The following GUCY2D variants were observed in gnomAD, a reference collection of about 807,000 sequenced individuals.
GUCY2D encodes the protein guanylate cyclase 2D, retinal, also known as retinal guanylyl cyclase 1.
A neutral mutation model predicts 101.3 loss-of-function variants in GUCY2D; 70 were observed. The observed-to-expected ratio is 0.69, with a 90% CI of 0.57 to 0.84. The LOEUF (loss-of-function observed/expected upper bound fraction) is 0.84. Among genes scored for constraint, GUCY2D ranks in the 40% least tolerant of loss-of-function variants. GUCY2D has a pLI of 0.00. For synonymous variants in GUCY2D, 688 were observed against 670.7 expected, an observed-to-expected ratio of 1.03 and a Z score of -0.40; for missense variants, 1,460 against 1,542.5, an observed-to-expected ratio of 0.95 and a Z score of 0.90.
Position 8,007,083 on chromosome 17 carries a change from C to T in GUCY2D, c.1402C>T (p.Leu468Phe). 1 of 1,614,146 alleles carries T rather than the reference C, an allele frequency of 6.2e-7. No homozygotes were observed. Among genetic ancestry groups the T allele is most frequent in the Non-Finnish European group, 8.5e-7 (1 of 1,179,962 alleles). ...GGGLEPGLVF[L>F]GFLLVVGMGL... ...AGGACTGGAGCCGGGCCTCGTCTTT[C>T]TTGGCTTCCTCCTGGTGGTTGGGAT... is the stretch of plus-strand genomic sequence containing the variant. The change falls in exon 5 of 20, where the codon CTT (leucine) becomes TTT (phenylalanine). Residue 468 changes from leucine (L) to phenylalanine (F), a missense_variant. By Grantham distance (22) the Leu-to-Phe change is conservative. This residue lies in a region of GUCY2D where 1,196 missense variants were observed against 1,229.6 expected (regional missense o/e 0.97). Coordinates refer to ENST00000254854, the MANE Select transcript of GUCY2D (RefSeq NM_000180.4).
In GUCY2D at chr17:8,003,196, T is replaced by C. The variant is rs1975663876; in HGVS notation, c.149T>C (p.Leu50Pro). Residue 50 changes from leucine (L) to proline (P), a missense_variant, in exon 2 of 20, where the codon CTC (leucine) becomes CCC (proline). Physicochemically the swap from Leu to Pro is moderately conservative, Grantham distance 98 (BLOSUM62 -3). Around this residue, in one of 3 missense-constraint regions of GUCY2D, gnomAD observed 1,196 missense variants for 1,229.6 expected, o/e 0.97. Transcript: ENST00000254854. ...CTGCTTCTGCTGCAGCCCCCCGCCC[T>C]CTCCGCCGTGTTCACGGTGGGGGTC... ...LLLLLLQPPA[L>P]SAVFTVGVLG... is the part of the protein sequence containing the mutation. The C allele has an allele frequency of 6.6e-7, 1 of 1,517,998 alleles. No individual in the cohort carries two copies. Among genetic ancestry groups the C allele is most frequent in the Non-Finnish European group, 8.8e-7 (1 of 1,138,702 alleles). The allele number at this position is 1,517,998 out of a possible 1,614,324, so 94.0% of individuals were successfully genotyped here.
intron 7 of GUCY2D, 127 bp downstream of exon 7, chr17:8,008,159 G>T (rs1975781957): frequency 1.4e-6 from 1 of 714,364 alleles, no homozygotes; most frequent in African/African-American, 1.7e-5. Context: ...GGAGATGGGG[G>T]ATGGGAGCCC....
At position 8,012,327 on chromosome 17, in the gene GUCY2D, T is replaced by C; in HGVS notation, c.1933T>C (p.Ser645Pro). Residue 645 changes from serine (S) to proline (P), a missense_variant, in exon 9 of 20, where the codon TCC becomes CCC. By Grantham distance (74) the Ser-to-Pro change is moderately conservative. Around this residue, in one of 3 missense-constraint regions of GUCY2D, gnomAD observed 1,196 missense variants for 1,229.6 expected, o/e 0.97. Coordinates refer to ENST00000254854, the MANE Select transcript of GUCY2D (RefSeq NM_000180.4). Reference sequence around the variant, plus strand: ...AAAGCTGGACTGGATGTTCAAGTCCTCCCTCCTGCTGGACCTTATCAAGGT... The same window carrying C: ...AAAGCTGGACTGGATGTTCAAGTCCCCCCTCCTGCTGGACCTTATCAAGGT... ...EIKLDWMFKS[S>P]LLLDLIKGIR... 1 of 1,609,930 alleles carries C rather than the reference T, an allele frequency of 6.2e-7. No individual in the cohort carries two copies. Among genetic ancestry groups the C allele is most frequent in the Non-Finnish European group, 8.5e-7 (1 of 1,178,980 alleles).
chr17:8,012,577 A>G lies in GUCY2D; in HGVS notation c.2084A>G (p.Lys695Arg), dbSNP rs1237783733. 8 of 1,613,484 alleles carry G rather than the reference A, an allele frequency of 5.0e-6. No individual in the cohort carries two copies. Among genetic ancestry groups the G allele is most frequent in the Non-Finnish European group, 6.8e-6 (8 of 1,179,698 alleles). The change falls in exon 10 of 20, where the codon AAG becomes AGG. Residue 695 changes from lysine to arginine, a missense_variant. Coordinates refer to ENST00000254854, the MANE Select transcript of GUCY2D (RefSeq NM_000180.4). ...HGHGRLLEAQ[K>R]VLPEPPRAED... Reference sequence around the variant, plus strand: ...CACGGGAGACTGCTGGAAGCACAGAAGGTGCTACCGGAGCCTCCCAGAGCG... The same window carrying G: ...CACGGGAGACTGCTGGAAGCACAGAGGGTGCTACCGGAGCCTCCCAGAGCG...
Position 8,013,760 on chromosome 17 carries a change from G to A in GUCY2D, c.2264-120G>A. On this transcript the variant is annotated intron_variant, in intron 11 of 19. Coordinates refer to ENST00000254854, the MANE Select transcript of GUCY2D (RefSeq NM_000180.4). This position sits in a 1 kb window ranked among gnomAD's most constrained non-coding sequence, Gnocchi z 5.0. ...CACACACACACACTGAACCTCTGAT[G>A]TAAAGAAACCCCTGCCAGGCACCCC... 1.3e-6 allele frequency: 1 copy of A among 790,360 alleles called. No individual in the cohort carries two copies. The highest frequency in any genetic ancestry group is 2.2e-6 in the Non-Finnish European group (1 of 456,326). The allele number at this position is 790,360 out of a possible 1,614,324, so 49.0% of individuals were successfully genotyped here.
Position 8,014,072 on chromosome 17 carries a change from TC to T in GUCY2D, c.2412+47del. On this transcript the variant is annotated intron_variant, in intron 12 of 19. Transcript: ENST00000254854. This position sits in a 1 kb window ranked among gnomAD's most constrained non-coding sequence, Gnocchi z 4.0. ...GCAAGGACTGGGCTGGCCTCTGGGA[TC>T]CCAGATGCTTGTCAGCAACCTGAGA... 6.4e-7 allele frequency: 1 copy of T among 1,571,534 alleles called. No individual in the cohort carries two copies. Among genetic ancestry groups the T allele is most frequent in the Non-Finnish European group, 8.7e-7 (1 of 1,147,656 alleles).
chr17:8,014,659 T>C lies in GUCY2D; in HGVS notation c.2471T>C (p.Leu824Pro). 2 of 1,613,898 alleles carry C rather than the reference T, an allele frequency of 1.2e-6. No individual in the cohort carries two copies. Among genetic ancestry groups the C allele is most frequent in the Non-Finnish European group, 1.7e-6 (2 of 1,179,788 alleles). Residue 824 changes from leucine (L) to proline (P), a missense_variant, in exon 13 of 20, where the codon CTG becomes CCG. Physicochemically the swap from Leu to Pro is moderately conservative, Grantham distance 98. Around this residue, in one of 3 missense-constraint regions of GUCY2D, gnomAD observed 1,196 missense variants for 1,229.6 expected, o/e 0.97. Transcript: ENST00000254854. The surrounding 1 kb of genome is among the most constrained non-coding windows in gnomAD (Gnocchi z 4.0). ...TNIIDSMLRM[L>P]EQYSSNLEDL... ...ATCATTGACTCGATGCTTCGGATGC[T>C]GGAGCAGTACTCTAGTAACCTGGAG...
rs1975895498 is a variant in GUCY2D at position 8,013,363 on chromosome 17, A to T, written c.2263+111A>T. 1 of 1,075,532 alleles carries T rather than the reference A, an allele frequency of 9.3e-7. No individual in the cohort carries two copies. Among genetic ancestry groups the T allele is most frequent in the East Asian group, 2.6e-5 (1 of 38,792 alleles). The allele number at this position is 1,075,532 out of a possible 1,614,324, so 66.6% of individuals were successfully genotyped here. A position where few individuals can be genotyped will look rare whatever the true frequency, so the allele number is the denominator to read the frequency against. ...AAGCCCAGTGATGAAACTCAATTATACGGAGGCCCCCTTAAAGCTGGCATC... is the reference window on the plus strand; with the variant it reads ...AAGCCCAGTGATGAAACTCAATTATTCGGAGGCCCCCTTAAAGCTGGCATC... On this transcript the variant is annotated intron_variant, in intron 11 of 19. Transcript: ENST00000254854. This position sits in a 1 kb window ranked among gnomAD's most constrained non-coding sequence, Gnocchi z 5.0.
chr17:8,015,871 TGGGAGGGGGACAC>T (rs1480210751), intron 16 of GUCY2D, 30 bp downstream of exon 16: 2 of 1,599,888 alleles, frequency 1.3e-6, no homozygotes, highest in Non-Finnish European at 1.7e-6. Flanking sequence ...GACGGGGAGG[TGGGAGGGGGACAC>T]GGGAGGTGAG....
In GUCY2D at chr17:8,014,935, G is replaced by GTCT; in HGVS notation, c.2653_2654insTCT (p.Asp885delinsValTyr). ...TGAGCAAGTGACACTGTACTTTAGT[G>GTCT]ACATTGTGGGCTTCACCACCATCTC... On this transcript the variant is annotated protein_altering_variant, in exon 14 of 20. Coordinates refer to ENST00000254854, the MANE Select transcript of GUCY2D (RefSeq NM_000180.4). The surrounding 1 kb of genome is among the most constrained non-coding windows in gnomAD (Gnocchi z 4.0). 1.2e-6 allele frequency: 2 copies of GTCT among 1,614,080 alleles called. No individual in the cohort carries two copies.
chr17:8,015,798 G>T lies in GUCY2D; in HGVS notation c.3000G>T (p.Gly1000=). Reference sequence around the variant, plus strand: ...CCATGCCGCGGTACTGCCTGTTTGGGGACACGGTCAACACCGCCTCGCGCA... The same window carrying T: ...CCATGCCGCGGTACTGCCTGTTTGGTGACACGGTCAACACCGCCTCGCGCA... ...GLTMPRYCLF[G]DTVNTASRME... The change falls in exon 16 of 20, where the codon GGG becomes GGT. Residue 1000 remains glycine (G), a synonymous_variant. Transcript: ENST00000254854. 1 of 1,612,862 alleles carries T rather than the reference G, an allele frequency of 6.2e-7. No homozygotes were observed. The highest frequency in any genetic ancestry group is 8.5e-7 in the Non-Finnish European group (1 of 1,179,644).
intron 6 of GUCY2D, 63 bp from the exon 7 acceptor site, chr17:8,007,868 C>T: frequency 9.5e-7 from 1 of 1,052,814 alleles, no homozygotes; most frequent in Non-Finnish European, 1.5e-6. Context: ...TCAGCCTGAC[C>T]TCAACCCAGG....
At chr17:8,016,370 G>C in intron 18 of GUCY2D, 73 bp from the exon 19 acceptor site, 1 of 1,439,792 alleles carries the variant, frequency 6.9e-7, no homozygotes, top group Non-Finnish European at 9.5e-7. Context: ...CCGCGCGCGA[G>C]GCAGCGATGA....
chr17:8,012,433 A>G lies in GUCY2D; in HGVS notation c.1957-17A>G, dbSNP rs931385450. 1.9e-6 allele frequency: 3 copies of G among 1,613,628 alleles called. No individual in the cohort carries two copies. The African/African-American group carries it at 4.0e-5, about 22-fold the overall frequency. On this transcript the variant is annotated splice_polypyrimidine_tract_variant and intron_variant, in intron 9 of 19. Coordinates refer to ENST00000254854, the MANE Select transcript of GUCY2D (RefSeq NM_000180.4). ...ACCAAGCAGGCTGAGGCTGCCTCTT[A>G]CCCTACCCATTCCAAGGGAATAAGG...
intron 19 of GUCY2D, 125 bp downstream of exon 19, chr17:8,016,679 G>T (rs1975985536): frequency 1.2e-5 from 7 of 605,352 alleles, no homozygotes; most frequent in Non-Finnish European, 1.5e-5. Context: ...CCTAAACCCC[G>T]GGGCTTCCCC....
intron 7 of GUCY2D, among the ~76,000 whole-genome samples, chr17:8,008,289 T>G (rs770045903): frequency 1.3e-5 from 2 of 152,074 alleles, no homozygotes; most frequent in Non-Finnish European, 2.9e-5. Context: ...CTAACCACAG[T>G]GACCCAGAGA....
chr17:8,019,684 C>G (rs953047253), intron 19 of GUCY2D, among the ~76,000 whole-genome samples: 2 of 152,254 alleles, frequency 1.3e-5, no homozygotes, highest in Non-Finnish European at 2.9e-5. Context: ...ATTCTCCTGT[C>G]TTTGTGTCCC....
At position 8,014,976 on chromosome 17, in the gene GUCY2D, C is replaced by T. The variant is rs959830388; in HGVS notation, c.2694C>T (p.Pro898=). 3 of 1,613,746 alleles carry T rather than the reference C, an allele frequency of 1.9e-6. No individual in the cohort carries two copies. The highest frequency in any genetic ancestry group is 2.2e-5 in the South Asian group (2 of 91,080). ...CCACCATCTCTGCCATGAGTGAGCC[C>T]ATTGAGGTTGTGGACCTGCTCAACG... ...GFTTISAMSE[P]IEVVDLLNDL... is the part of the protein sequence containing the mutation. Residue 898 remains proline (P), a synonymous_variant, in exon 14 of 20, where the codon CCC becomes CCT. Transcript: ENST00000254854. The surrounding 1 kb of genome is among the most constrained non-coding windows in gnomAD (Gnocchi z 4.0).
chr17:8,007,161 G>A lies in GUCY2D; in HGVS notation c.1463+17G>A, dbSNP rs756787049. On this transcript the variant is annotated intron_variant, in intron 5 of 19. Coordinates refer to ENST00000254854, the MANE Select transcript of GUCY2D (RefSeq NM_000180.4). ...TTATGTGAGGTGAGTAGTGGAATGA[G>A]GTAAGTAGGAAGTGAGCTTGTGCCA... 5.4e-5 allele frequency: 85 copies of A among 1,569,340 alleles called. No individual in the cohort carries two copies. Among genetic ancestry groups the A allele is most frequent in the Non-Finnish European group, 6.4e-5 (73 of 1,139,400 alleles).
Sources: allele counts gnomAD v4.1 joint callset (sites outside exome capture counted in the v4.1 genomes callset), GRCh38; gene constraint gnomAD v4.1.1; regional missense constraint gnomAD v4.1.1; non-coding constraint Gnocchi (gnomAD v3.1); transcripts MANE v1.5; gene names NCBI Gene and HGNC (gene_info 2026-07-23, HGNC 2026-07-21).